XKR6: variants seen among roughly 807,000 people sequenced by gnomAD.
The protein encoded by XKR6 is XK related 6.
A neutral mutation model predicts 56.7 loss-of-function variants in XKR6; 22 were observed. The ratio of observed to expected loss-of-function variants is 0.39; its 90% confidence interval spans 0.28 to 0.55. The LOEUF is 0.55. Among genes scored for constraint, XKR6 ranks in the 20% least tolerant of loss-of-function variants. XKR6 has a pLI of 0.66. For missense variants in XKR6, 852 were observed against 889.0 expected, an observed-to-expected ratio of 0.96 and a Z score of 0.53; for synonymous variants, 524 against 387.8, an observed-to-expected ratio of 1.35 and a Z score of -4.13.
chr8:10,981,185 G>T (rs1167738561), intron 1 of XKR6, among the ~76,000 whole-genome samples: 1 of 152,206 alleles, frequency 6.6e-6, no homozygotes, highest in Non-Finnish European at 1.5e-5. Flanking sequence ...AATACTGAGA[G>T]ATGGGCAGCT....
At chr8:11,044,388 G>C (rs1176060135) in intron 1 of XKR6, among the ~76,000 whole-genome samples, 1 of 152,108 alleles carries the variant, frequency 6.6e-6, no homozygotes, top group Admixed American at 6.6e-5. Context: ...CAGCAAAAAA[G>C]TCCTTGCTTT....
At chr8:11,012,570 C>T (rs764954275) in intron 1 of XKR6, among the ~76,000 whole-genome samples, 17 of 152,142 alleles carry the variant, frequency 1.1e-4, no homozygotes, top group Non-Finnish European at 1.6e-4. Flanking sequence ...TTTCCAGTAC[C>T]ATGGGGGAGG....
chr8:10,908,313 T>C (rs951114510), intron 2 of XKR6, among the ~76,000 whole-genome samples: 3 of 152,050 alleles, frequency 2.0e-5, no homozygotes, highest in Admixed American at 6.5e-5. Context: ...CTCACTGATG[T>C]GCTAAGTCAC....
At chr8:11,097,483 TAAAA>T (rs35577450) in intron 1 of XKR6, among the ~76,000 whole-genome samples, 10 of 85,748 alleles carry the variant, frequency 1.2e-4, no homozygotes, top group Middle Eastern at 5.9e-3. Context: ...TTTTTTTTTT[TAAAA>T]AAAAAAAGGC....
chr8:11,181,726 G>A (rs1802991535), intron 1 of XKR6, among the ~76,000 whole-genome samples: 1 of 152,332 alleles, frequency 6.6e-6, no homozygotes, highest in Middle Eastern at 3.4e-3. Flanking sequence ...AGAAAAAGCT[G>A]TTAATATCTA....
At chr8:11,126,416 G>GC (rs376557008) in intron 1 of XKR6, among the ~76,000 whole-genome samples, 42 of 152,008 alleles carry the variant, frequency 2.8e-4, no homozygotes, top group Admixed American at 1.3e-3. Flanking sequence ...ATTTTCTTAT[G>GC]CTACATTTTA....
chr8:10,981,656 C>G (rs915947306), intron 1 of XKR6, among the ~76,000 whole-genome samples: 1 of 152,212 alleles, frequency 6.6e-6, no homozygotes, highest in Non-Finnish European at 1.5e-5. Context: ...AAAAATATAA[C>G]AGAACTTCTA....
At chr8:10,945,820 G>A (rs1801519833) in intron 1 of XKR6, among the ~76,000 whole-genome samples, 1 of 152,162 alleles carries the variant, frequency 6.6e-6, no homozygotes, top group Non-Finnish European at 1.5e-5. Context: ...CGTCTCTGCT[G>A]GGGAACCCGA....
At chr8:11,144,478 G>A (rs1158349450) in intron 1 of XKR6, among the ~76,000 whole-genome samples, 2 of 151,850 alleles carry the variant, frequency 1.3e-5, no homozygotes, top group African/African-American at 4.8e-5. Flanking sequence ...AGGAAGTTCA[G>A]GAAATGAAAG....
chr8:10,928,153 GT>G (rs1800952062), intron 1 of XKR6, among the ~76,000 whole-genome samples: 2 of 152,218 alleles, frequency 1.3e-5, no homozygotes, highest in Admixed American at 6.5e-5. Flanking sequence ...GAGGGCCCAG[GT>G]GCCAGAACGC....
chr8:11,177,346 A>C (rs146471996), intron 1 of XKR6, among the ~76,000 whole-genome samples: 1 of 152,318 alleles, frequency 6.6e-6, no homozygotes, highest in African/African-American at 2.4e-5. Context: ...TCAAACTTCA[A>C]GGAAGCAAAC....
chr8:10,950,985 C>T (rs1478972916), intron 1 of XKR6, among the ~76,000 whole-genome samples: 1 of 150,024 alleles, frequency 6.7e-6, no homozygotes, highest in African/African-American at 2.4e-5. Flanking sequence ...TGGGGATTTC[C>T]ATCCAGGACT....
At chr8:10,946,971 G>A (rs1258437751) in intron 1 of XKR6, among the ~76,000 whole-genome samples, 2 of 152,150 alleles carry the variant, frequency 1.3e-5, no homozygotes, top group African/African-American at 4.8e-5. Flanking sequence ...TTTGCGTGGG[G>A]ACAGAGAGGA....
chr8:11,114,403 C>A (rs1799058827), intron 1 of XKR6, among the ~76,000 whole-genome samples: 1 of 152,184 alleles, frequency 6.6e-6, no homozygotes, highest in Non-Finnish European at 1.5e-5. Flanking sequence ...CTCTGTCACC[C>A]AGGCTAGAGT....
rs190553516 is a variant in XKR6, at chr8:10,983,898, G to A, written c.765-59068C>T. ...TCTTGATCTCCTGACCTCGTGATTC[G>A]CCTGCCTTGGCCTCCCAAAGTGCTG... On this transcript the variant is annotated intron_variant, in intron 1 of 2. Coordinates refer to ENST00000416569, the MANE Select transcript of XKR6 (RefSeq NM_173683.4). Among the ~76,000 whole-genome samples the A allele has an allele frequency of 4.9e-3, 749 of 152,028 alleles. 11 individuals carry two copies. The highest frequency in any genetic ancestry group is 0.017 in the African/African-American group (717 of 41,468).
Position 10,924,653 on chromosome 8 carries a change from GTTC to G in XKR6, c.939_941del (p.Lys313del). ...ACTCACAGGGCAGGGTCTCGGCGCT[GTTC>G]TTCTGGAGCATGATGTAGAGCTGTA... On this transcript the variant is annotated inframe_deletion, in exon 2 of 3. Transcript: ENST00000416569. 1 of 1,608,198 alleles carries G rather than the reference GTTC, an allele frequency of 6.2e-7. No homozygotes were observed. The highest frequency in any genetic ancestry group is 2.2e-5 in the East Asian group (1 of 44,754).
intron 1 of XKR6, chr8:11,066,742 G>C (rs1193230373): frequency 6.6e-6 from 1 of 152,204 alleles, no homozygotes; most frequent in African/African-American, 2.4e-5. Context: ...TTCTAGATGA[G>C]GCAGCTGAGG....
intron 1 of XKR6, among the ~76,000 whole-genome samples, chr8:11,121,563 A>G (rs930079648): frequency 6.6e-6 from 1 of 152,224 alleles, no homozygotes; most frequent in African/African-American, 2.4e-5. Flanking sequence ...GTGGAGAAAC[A>G]GGAACACTTT....
In XKR6 at chr8:10,924,516, T is replaced by G. The variant is rs1161315337; in HGVS notation, c.961+118A>C. ...ACTGGGGGCCGGGCGTCCTGGGGAC[T>G]CAGGGCAGGATGGGCAATGCCCACA... is the stretch of plus-strand genomic sequence containing the variant. On this transcript the variant is annotated intron_variant, in intron 2 of 2. Transcript: ENST00000416569. 3.9e-6 allele frequency: 5 copies of G among 1,277,464 alleles called. No individual in the cohort carries two copies. In the Admixed American group the frequency reaches 9.7e-5, roughly 25 times the overall value. 79.1% of individuals were successfully genotyped at this position (1,277,464 alleles called of 1,614,324 possible). A position where few individuals can be genotyped will look rare whatever the true frequency, so the allele number is the denominator to read the frequency against.
Sources: allele counts gnomAD v4.1 joint callset (sites outside exome capture counted in the v4.1 genomes callset), GRCh38; gene constraint gnomAD v4.1.1; transcripts MANE v1.5; gene names NCBI Gene and HGNC (gene_info 2026-07-23, HGNC 2026-07-21).